The following LOC400499 variants were observed in gnomAD, a reference collection of about 807,000 sequenced individuals.
chr16:11,448,634 G>A, the LOC400499 span, among the ~76,000 whole-genome samples: 5 of 152,318 alleles, frequency 3.3e-5, no homozygotes, highest in East Asian at 7.7e-4. Context: ...GGCTGAGCGG[G>A]GAGGATCCTT....
the LOC400499 span, among the ~76,000 whole-genome samples, chr16:11,479,465 A>T: frequency 3.9e-3 from 112 of 29,034 alleles, 1 homozygote; most frequent in African/African-American, 0.066. Context: ...TAAAAAATTA[A>T]AAAAAAAAAA....
chr16:11,387,592 G>C, the LOC400499 span, among the ~76,000 whole-genome samples: 4 of 152,044 alleles, frequency 2.6e-5, no homozygotes. Context: ...GGCAGCATGG[G>C]CTTATGTGTG....
the LOC400499 span, chr16:11,493,503 G>T: frequency 2.6e-6 from 1 of 388,628 alleles, no homozygotes; most frequent in African/African-American, 2.1e-5. Flanking sequence ...CTGGATACCT[G>T]TTCACACTAG....
the LOC400499 span, among the ~76,000 whole-genome samples, chr16:11,512,949 G>C: frequency 6.6e-6 from 1 of 152,152 alleles, no homozygotes; most frequent in Non-Finnish European, 1.5e-5. Flanking sequence ...TCTCCCCCAG[G>C]GGGTGCCGGG....
the LOC400499 span, chr16:11,465,464 G>A: frequency 6.6e-6 from 1 of 152,166 alleles, no homozygotes; most frequent in South Asian, 2.1e-4. Context: ...GCAGGATGGA[G>A]GGCAGACACA....
At chr16:11,437,945 C>A in the LOC400499 span, among the ~76,000 whole-genome samples, 3 of 152,220 alleles carry the variant, frequency 2.0e-5, no homozygotes, top group African/African-American at 7.2e-5. Flanking sequence ...CCCACCCCCA[C>A]TCCCCGATGA....
chr16:11,465,362 A>G, the LOC400499 span: 1 of 152,150 alleles, frequency 6.6e-6, no homozygotes, highest in African/African-American at 2.4e-5. Context: ...CCTCACCTCA[A>G]GTGATCCTCC....
At chr16:11,401,046 C>T in the LOC400499 span, among the ~76,000 whole-genome samples, 1 of 152,334 alleles carries the variant, frequency 6.6e-6, no homozygotes, top group East Asian at 1.9e-4. Context: ...TCAAACACCG[C>T]CTGGTATACA....
At chr16:11,435,092 G>T in the LOC400499 span, among the ~76,000 whole-genome samples, 1 of 151,992 alleles carries the variant, frequency 6.6e-6, no homozygotes, top group Non-Finnish European at 1.5e-5. Flanking sequence ...CAATCCTCTC[G>T]CCTCAGCCTC....
At chr16:11,372,952 C>G in the LOC400499 span, among the ~76,000 whole-genome samples, 2 of 152,202 alleles carry the variant, frequency 1.3e-5, no homozygotes, top group Non-Finnish European at 2.9e-5. Context: ...TTGCAGGCAG[C>G]GGTGCTAGGC....
the LOC400499 span, among the ~76,000 whole-genome samples, chr16:11,397,442 T>C: frequency 6.6e-6 from 1 of 152,034 alleles, no homozygotes; most frequent in South Asian, 2.1e-4. Flanking sequence ...CCCAGCTCAT[T>C]TTTTCTATTT....
the LOC400499 span, among the ~76,000 whole-genome samples, chr16:11,474,015 G>A: frequency 5.3e-5 from 8 of 152,088 alleles, no homozygotes; most frequent in African/African-American, 1.4e-4. Context: ...CACCATGCCC[G>A]GCTAATTTGT....
At chr16:11,380,889 ACCT>A in the LOC400499 span, 1 of 154,986 alleles carries the variant, frequency 6.5e-6, no homozygotes, top group African/African-American at 2.4e-5. Flanking sequence ...GAGCCACAGC[ACCT>A]CCTGTCTTGG....
the LOC400499 span, among the ~76,000 whole-genome samples, chr16:11,496,669 C>CGT: frequency 6.6e-6 from 1 of 151,968 alleles, no homozygotes; most frequent in Non-Finnish European, 1.5e-5. Context: ...CGTCCAGGTG[C>CGT]GTGTGTGTGT....
the LOC400499 span, among the ~76,000 whole-genome samples, chr16:11,381,290 A>G: frequency 6.6e-6 from 1 of 152,128 alleles, no homozygotes; most frequent in Non-Finnish European, 1.5e-5. Flanking sequence ...TCTGTCACGC[A>G]GGCAGGAGTG....
At chr16:11,383,643 A>G in the LOC400499 span, 1 of 1,232,206 alleles carries the variant, frequency 8.1e-7, no homozygotes, top group South Asian at 4.1e-5. Flanking sequence ...GCAGCTTACC[A>G]CACTGTGGAG....
the LOC400499 span, chr16:11,459,990 T>C: frequency 4.0e-5 from 60 of 1,510,798 alleles, no homozygotes; most frequent in African/African-American, 7.7e-4. Flanking sequence ...GTCCCAGTGC[T>C]TCCCGTAGCT....
the LOC400499 span, among the ~76,000 whole-genome samples, chr16:11,412,608 C>T: frequency 6.6e-6 from 1 of 152,222 alleles, no homozygotes; most frequent in Non-Finnish European, 1.5e-5. Flanking sequence ...GCCTTGGATG[C>T]ACTTAGTTTC....
At chr16:11,511,954 G>A in the LOC400499 span, among the ~76,000 whole-genome samples, 2 of 152,074 alleles carry the variant, frequency 1.3e-5, no homozygotes, top group Admixed American at 6.5e-5. Context: ...GGAGGCCAAG[G>A]TACCATTGCA....
Sources: gnomAD v4.1 joint callset for allele counts (sites outside exome capture counted in the v4.1 genomes callset) on GRCh38, gnomAD v4.1.1 for gene constraint, MANE v1.5 for transcripts.